The following MYO1B variants were observed in gnomAD, a reference collection of about 807,000 sequenced individuals.
MYO1B encodes the protein myosin IB.
A neutral mutation model predicts 159.7 loss-of-function variants in MYO1B; 72 were observed. The observed-to-expected ratio is 0.45, with a 90% CI of 0.37 to 0.55. MYO1B has a LOEUF of 0.55. Ranked by LOEUF, MYO1B falls within the 20% of genes least tolerant of loss-of-function variation. MYO1B has a pLI of 0.00. For missense variants in MYO1B, 1,062 were observed against 1,364.8 expected, an observed-to-expected ratio of 0.78 and a Z score of 3.50; for synonymous variants, 468 against 473.8, an observed-to-expected ratio of 0.99 and a Z score of 0.16.
chr2:191,249,718 T>C (rs531481674), intron 1 of MYO1B, among the ~76,000 whole-genome samples: 1 of 152,322 alleles, frequency 6.6e-6, no homozygotes, highest in South Asian at 2.1e-4. Flanking sequence ...AAGATAAGAA[T>C]TTGAAGACTG....
chr2:191,393,331 T>A, intron 20 of MYO1B, 109 bp downstream of exon 20: 1 of 1,249,032 alleles, frequency 8.0e-7, no homozygotes, highest in Non-Finnish European at 1.1e-6. Flanking sequence ...CCCAACAACC[T>A]CATGAGATAA....
In MYO1B at chr2:191,381,471, T is replaced by G. The variant is rs750829474; in HGVS notation, c.1195T>G (p.Phe399Val). 6.2e-7 allele frequency: 1 copy of G among 1,613,466 alleles called. No individual in the cohort carries two copies. The highest frequency in any genetic ancestry group is 2.2e-5 in the East Asian group (1 of 44,880). Reference protein sequence around the residue: ...YGFEIFEDNSFEQFIINYCNE... With the variant: ...YGFEIFEDNSVEQFIINYCNE... ...CATTTTCTCCATACAGGACAACAGC[T>G]TTGAGCAGTTCATTATTAATTATTG... The change falls in exon 14 of 31, where the codon TTT becomes GTT. Residue 399 changes from phenylalanine (F) to valine (V), a missense_variant. Transcript: ENST00000392318.
At chr2:191,328,176 T>G (rs202182417) in intron 3 of MYO1B, among the ~76,000 whole-genome samples, 1 of 152,202 alleles carries the variant, frequency 6.6e-6, no homozygotes, top group East Asian at 1.9e-4. Flanking sequence ...GAAGATTAAG[T>G]CCAATTGTGA....
chr2:191,314,257 A>T (rs1006232982), intron 3 of MYO1B, among the ~76,000 whole-genome samples: 1 of 152,238 alleles, frequency 6.6e-6, no homozygotes, highest in African/African-American at 2.4e-5. Flanking sequence ...TTCTGTTGTT[A>T]CTTTTTTTCT....
Position 191,400,419 on chromosome 2 carries a change from G to A in MYO1B, c.2333G>A (p.Arg778His), listed in dbSNP as rs769264523. The A allele has an allele frequency of 1.4e-5, 22 of 1,613,914 alleles. No homozygotes were observed. The highest frequency in any genetic ancestry group is 2.2e-5 in the South Asian group (2 of 91,074). ...CTGCGGGAACTGAAGCATCAAAAGC[G>A]CTGTAAGGAAGCAGTCACGACCATT... ...KILRELKHQK[R>H]CKEAVTTIAA... The change falls in exon 22 of 31, where the codon CGC (arginine) becomes CAC (histidine). Residue 778 changes from arginine (R) to histidine (H), a missense_variant. By Grantham distance (29) the Arg-to-His change is conservative. This residue lies in a region of MYO1B where 609 missense variants were observed against 744.4 expected (regional missense o/e 0.82). Transcript: ENST00000392318.
chr2:191,272,925 G>T (rs1687541366), intron 1 of MYO1B, among the ~76,000 whole-genome samples: 1 of 152,148 alleles, frequency 6.6e-6, no homozygotes, highest in Non-Finnish European at 1.5e-5. Flanking sequence ...CCTGGTACCA[G>T]TCTCTTACTA....
At chr2:191,376,714 C>T (rs748960137) in intron 13 of MYO1B, among the ~76,000 whole-genome samples, 8 of 152,198 alleles carry the variant, frequency 5.3e-5, no homozygotes, top group Non-Finnish European at 1.2e-4. Flanking sequence ...GGACTGCTCG[C>T]TGTTTCAAAT....
chr2:191,346,327 C>G, intron 6 of MYO1B, 45 bp downstream of exon 6: 1 of 1,350,310 alleles, frequency 7.4e-7, no homozygotes, highest in South Asian at 1.5e-5. Flanking sequence ...ATATTTAGCT[C>G]ATGTATGTTT....
intron 13 of MYO1B, among the ~76,000 whole-genome samples, chr2:191,380,578 C>T (rs1032693088): frequency 2.0e-5 from 3 of 152,174 alleles, no homozygotes; most frequent in African/African-American, 7.2e-5. Context: ...ATTTGGTGCT[C>T]TCAGGATGTA....
At chr2:191,288,355 A>G (rs1169345307) in intron 2 of MYO1B, among the ~76,000 whole-genome samples, 3 of 151,750 alleles carry the variant, frequency 2.0e-5, no homozygotes, top group Non-Finnish European at 2.9e-5. Context: ...AATCATGCCC[A>G]TCTTTTTAGA....
At chr2:191,262,641 C>T (rs1686892760) in intron 1 of MYO1B, among the ~76,000 whole-genome samples, 1 of 151,794 alleles carries the variant, frequency 6.6e-6, no homozygotes, top group Admixed American at 6.6e-5. Flanking sequence ...ATTCCCACCA[C>T]TCTAACACCT....
chr2:191,330,705 T>A (rs1691415265), intron 4 of MYO1B, among the ~76,000 whole-genome samples: 1 of 152,188 alleles, frequency 6.6e-6, no homozygotes, highest in South Asian at 2.1e-4. Flanking sequence ...AAAGCTGCTG[T>A]TATCAGTGGG....
rs34444520 is a variant in MYO1B, at chr2:191,372,879, C to CTTTTTTTT, written c.1185+2606_1185+2613dup. Among the ~76,000 whole-genome samples, 50 of 70,146 alleles carry CTTTTTTTT rather than the reference C, an allele frequency of 7.1e-4. 4 individuals carry two copies. Among genetic ancestry groups the CTTTTTTTT allele is most frequent in the African/African-American group, 2.7e-3 (46 of 16,898 alleles). The allele number at this position is 70,146 out of a possible 152,430, so 46.0% of individuals were successfully genotyped here. ...TATGAAAATGCCTGCGTTATATTTC[C>CTTTTTTTT]TTTTTTTTTTTTTTTTTTTTTTTTT... On this transcript the variant is annotated intron_variant, in intron 13 of 30. Coordinates refer to ENST00000392318, the MANE Select transcript of MYO1B (RefSeq NM_001130158.3).
chr2:191,340,096 A>T (rs950036585), intron 4 of MYO1B, among the ~76,000 whole-genome samples: 4 of 152,100 alleles, frequency 2.6e-5, no homozygotes, highest in African/African-American at 9.7e-5. Flanking sequence ...TACCTTAACT[A>T]CCCAGACCAG....
intron 2 of MYO1B, among the ~76,000 whole-genome samples, chr2:191,277,285 A>G (rs1031512084): frequency 2.0e-5 from 3 of 152,234 alleles, no homozygotes; most frequent in Non-Finnish European, 2.9e-5. Flanking sequence ...TAAAGCAAGC[A>G]GAATACTGCC....
chr2:191,381,445 T>A lies in MYO1B; in HGVS notation c.1186-17T>A. On this transcript the variant is annotated splice_polypyrimidine_tract_variant and intron_variant, in intron 13 of 30. Coordinates refer to ENST00000392318, the MANE Select transcript of MYO1B (RefSeq NM_001130158.3). ...GTGGCATGGTTTATAAAGCTGTTTTTCATTTTCTCCATACAGGACAACAGC... is the reference window on the plus strand; with the variant it reads ...GTGGCATGGTTTATAAAGCTGTTTTACATTTTCTCCATACAGGACAACAGC... 3.8e-6 allele frequency: 6 copies of A among 1,593,770 alleles called. No individual in the cohort carries two copies. Among genetic ancestry groups the A allele is most frequent in the Non-Finnish European group, 5.2e-6 (6 of 1,161,746 alleles).
At chr2:191,359,565 A>G (rs1024318359) in intron 7 of MYO1B, among the ~76,000 whole-genome samples, 2 of 152,122 alleles carry the variant, frequency 1.3e-5, no homozygotes, top group African/African-American at 4.8e-5. Flanking sequence ...CTTCTCATTC[A>G]TCAAATATAT....
At position 191,297,801 on chromosome 2, in the gene MYO1B, A is replaced by G. The variant is rs1313352817; in HGVS notation, c.251+1575A>G. 2.0e-5 allele frequency among the ~76,000 whole-genome samples: 3 copies of G among 152,314 alleles called. No homozygotes were observed. In the East Asian group the frequency reaches 5.8e-4, roughly 29 times the overall value. On this transcript the variant is annotated intron_variant, in intron 3 of 30. Transcript: ENST00000392318. The stretch of plus-strand genomic sequence containing the variant: ...GGGGCAGTTTAAAACCCCAGGGGAC[A>G]GTTGACAATGTCTGGAGACATTTTT...
chr2:191,284,883 C>T (rs1574336946), intron 2 of MYO1B, among the ~76,000 whole-genome samples: 1 of 152,268 alleles, frequency 6.6e-6, no homozygotes, highest in African/African-American at 2.4e-5. Context: ...ATCCACCAGC[C>T]TCGGCCTCCG....
Sources: allele counts gnomAD v4.1 joint callset (sites outside exome capture counted in the v4.1 genomes callset), GRCh38; gene constraint gnomAD v4.1.1; regional missense constraint gnomAD v4.1.1; transcripts MANE v1.5; gene names NCBI Gene and HGNC (gene_info 2026-07-23, HGNC 2026-07-21).